The following VPS51 variants were observed in gnomAD, a reference collection of about 807,000 sequenced individuals.
The protein encoded by VPS51 is VPS51 subunit of GARP complex.
VPS51 carries 55 observed loss-of-function variants against 65.1 expected under a neutral mutation model. The ratio of observed to expected loss-of-function variants is 0.84; its 90% CI spans 0.68 to 1.06. The LOEUF is 1.06. Ranked by LOEUF, VPS51 falls within the 50% of genes least tolerant of loss-of-function variation. The pLI, the probability that VPS51 is intolerant of heterozygous loss-of-function variation, is 0.00. For synonymous variants in VPS51, 473 were observed against 489.5 expected (o/e 0.97, Z 0.44); for missense variants, 943 against 1,101.6 (o/e 0.86, Z 2.04).
At chr11:65,103,170 C>T (rs1047661250) in intron 2 of VPS51, among the ~76,000 whole-genome samples, 5 of 152,188 alleles carry the variant, frequency 3.3e-5, no homozygotes, top group Admixed American at 6.5e-5. Flanking sequence ...GGTGATTCTC[C>T]TGCCTTAGCC....
At position 65,111,283 on chromosome 11, in the gene VPS51, A is replaced by G. The variant is rs781164321; in HGVS notation, c.2089-44A>G. Reference sequence around the variant, plus strand: ...CTTGGAACTTGGGTGTCCCCCACACACACCTGCAGTCCCCAAGCTGCATCC... The same window carrying G: ...CTTGGAACTTGGGTGTCCCCCACACGCACCTGCAGTCCCCAAGCTGCATCC... On this transcript the variant is annotated intron_variant, in intron 9 of 9. Coordinates refer to ENST00000279281, the MANE Select transcript of VPS51 (RefSeq NM_013265.4). 11 of 1,598,454 alleles carry G rather than the reference A, an allele frequency of 6.9e-6. No individual in the cohort carries two copies. In the East Asian group the frequency reaches 2.0e-4, roughly 29 times the overall value.
chr11:65,096,717 G>A (rs1947772819), intron 1 of VPS51: 1 of 635,600 alleles, frequency 1.6e-6, no homozygotes, highest in Admixed American at 2.9e-5. Flanking sequence ...GATGTGATAG[G>A]CCCGGAATTG....
chr11:65,108,876 G>A lies in VPS51; in HGVS notation c.1405G>A (p.Ala469Thr), dbSNP rs1177797205. ...TCTGGCAGCAGTGCACCTTTTCACC[G>A]CCAAAGAGGTGTCCTTCTCCAACAA... ...ASLAAVHLFT[A>T]KEVSFSNKPY... The change falls in exon 5 of 10, where the codon GCC becomes ACC. Residue 469 changes from alanine (A) to threonine (T), a missense_variant. Ala to Thr is a moderately conservative substitution (Grantham distance 58). Around this residue, in one of 2 missense-constraint regions of VPS51, gnomAD observed 855 missense variants for 953.7 expected, o/e 0.90. Transcript: ENST00000279281. 7.4e-6 allele frequency: 12 copies of A among 1,612,868 alleles called. No individual in the cohort carries two copies. Among genetic ancestry groups the A allele is most frequent in the Non-Finnish European group, 1.0e-5 (12 of 1,180,014 alleles).
In VPS51 at chr11:65,108,391, G is replaced by T; in HGVS notation, c.920G>T (p.Gly307Val). 1 of 1,612,386 alleles carries T rather than the reference G, an allele frequency of 6.2e-7. No homozygotes were observed. Among genetic ancestry groups the T allele is most frequent in the Non-Finnish European group, 8.5e-7 (1 of 1,179,712 alleles). ...APDVLEFTDH[G>V]GSGFVGGLCQ... Reference sequence around the variant, plus strand: ...GACGTGTTAGAGTTCACCGACCATGGAGGCAGTGGCTTCGTGGGCGGCCTC... The same window carrying T: ...GACGTGTTAGAGTTCACCGACCATGTAGGCAGTGGCTTCGTGGGCGGCCTC... Residue 307 changes from glycine to valine, a missense_variant, in exon 5 of 10, where the codon GGA (glycine) becomes GTA (valine). Gly to Val is a moderately radical substitution (Grantham distance 109, BLOSUM62 -3). Coordinates refer to ENST00000279281, the MANE Select transcript of VPS51 (RefSeq NM_013265.4).
At chr11:65,106,750 CA>C (rs34281986) in intron 2 of VPS51, among the ~76,000 whole-genome samples, 4,339 of 131,626 alleles carry the variant, frequency 0.033, 97 homozygotes, top group African/African-American at 0.067. Flanking sequence ...GACTCAGTCT[CA>C]AAAAAAAAAA....
chr11:65,097,070 G>C lies in VPS51; in HGVS notation c.301G>C (p.Asp101His). The change falls in exon 2 of 10, where the codon GAC (aspartate) becomes CAC (histidine). Residue 101 changes from aspartate to histidine, a missense_variant. Asp to His is a moderately conservative substitution (Grantham distance 81). Coordinates refer to ENST00000279281, the MANE Select transcript of VPS51 (RefSeq NM_013265.4). ...CATGGTGCGGCAGATCCGGGCTCTA[G>C]ACAGCGACATGCAGACCCTGGTCTA... is the stretch of plus-strand genomic sequence containing the variant. ...TDMVRQIRAL[D>H]SDMQTLVYEN... The C allele has an allele frequency of 1.2e-6, 2 of 1,614,016 alleles. No individual in the cohort carries two copies. The highest frequency in any genetic ancestry group is 1.7e-6 in the Non-Finnish European group (2 of 1,179,998).
At position 65,110,697 on chromosome 11, in the gene VPS51, C is replaced by G. The variant is rs753551991; in HGVS notation, c.2004C>G (p.Ala668=). The G allele has an allele frequency of 6.2e-7, 1 of 1,614,142 alleles. No individual in the cohort carries two copies. Among genetic ancestry groups the G allele is most frequent in the Non-Finnish European group, 8.5e-7 (1 of 1,180,008 alleles). ...TTCCTTGTCTTCCCCAATCCAGTGC[C>G]CCGATGGACACCAACCTCTTGAGCA... is the stretch of plus-strand genomic sequence containing the variant. ...GRYAPSYTPS[A]PMDTNLLSNI... is the part of the protein sequence containing the mutation. The change falls in exon 9 of 10, where the codon GCC becomes GCG. Residue 668 remains alanine, a synonymous_variant. Transcript: ENST00000279281.
chr11:65,110,228 T>A (rs1947883671), intron 7 of VPS51: 2 of 651,592 alleles, frequency 3.1e-6, no homozygotes, highest in Non-Finnish European at 5.2e-6. Context: ...AGGCTCAGGG[T>A]TACCCAGGAA....
chr11:65,107,871 G>C lies in VPS51; in HGVS notation c.574G>C (p.Glu192Gln). Residue 192 changes from glutamate to glutamine, a missense_variant, in exon 4 of 10, where the codon GAA (glutamate) becomes CAA (glutamine). Around this residue, in one of 2 missense-constraint regions of VPS51, gnomAD observed 855 missense variants for 953.7 expected, o/e 0.90. Coordinates refer to ENST00000279281, the MANE Select transcript of VPS51 (RefSeq NM_013265.4). The surrounding 1 kb of genome is among the most constrained non-coding windows in gnomAD (Gnocchi z 4.0). ...ELPSRLTKCV[E>Q]LGAYGQAVRY... Reference sequence around the variant, plus strand: ...GCCCTCGCGCCTCACCAAGTGCGTGGAACTGGGCGCCTATGGGCAGGCGGT... The same window carrying C: ...GCCCTCGCGCCTCACCAAGTGCGTGCAACTGGGCGCCTATGGGCAGGCGGT... 6.4e-7 allele frequency: 1 copy of C among 1,551,536 alleles called. No individual in the cohort carries two copies. The highest frequency in any genetic ancestry group is 8.7e-7 in the Non-Finnish European group (1 of 1,148,760).
chr11:65,110,316 T>TG, intron 7 of VPS51, 166 bp from the exon 8 acceptor site: 3 of 1,221,588 alleles, frequency 2.5e-6, no homozygotes, highest in Non-Finnish European at 3.5e-6. Flanking sequence ...CCCACTCCAC[T>TG]GGTTCTATAA....
intron 2 of VPS51, among the ~76,000 whole-genome samples, chr11:65,105,158 G>T (rs901496266): frequency 3.3e-5 from 5 of 152,110 alleles, no homozygotes; most frequent in Non-Finnish European, 5.9e-5. Flanking sequence ...CCAGCACTTT[G>T]GGAGGCCGAG....
intron 9 of VPS51, 109 bp downstream of exon 9, chr11:65,110,890 AC>A: frequency 7.6e-7 from 1 of 1,319,062 alleles, no homozygotes; most frequent in Non-Finnish European, 1.1e-6. Context: ...ACTGGGGGTG[AC>A]CCTGACCCTC....
chr11:65,096,313 G>T lies in VPS51; in HGVS notation c.63G>T (p.Gly21=), dbSNP rs974578367. 5 of 1,507,332 alleles carry T rather than the reference G, an allele frequency of 3.3e-6. No individual in the cohort carries two copies. Among genetic ancestry groups the T allele is most frequent in the Admixed American group, 2.6e-5 (1 of 38,264 alleles). The allele number at this position is 1,507,332 out of a possible 1,614,324, so 93.4% of individuals were successfully genotyped here. Reference sequence around the variant, plus strand: ...CTGGACCTGGGGACTCCCCAGAAGGGCCCGAGGGGGAGGCTCCGGAGCGTC... The same window carrying T: ...CTGGACCTGGGGACTCCCCAGAAGGTCCCGAGGGGGAGGCTCCGGAGCGTC... ...PGSGPGDSPE[G]PEGEAPERRR... Residue 21 remains glycine, a synonymous_variant, in exon 1 of 10, where the codon GGG becomes GGT. Coordinates refer to ENST00000279281, the MANE Select transcript of VPS51 (RefSeq NM_013265.4).
At chr11:65,096,539 A>G in intron 1 of VPS51, 61 bp downstream of exon 1, 1 of 1,343,758 alleles carries the variant, frequency 7.4e-7, no homozygotes, top group South Asian at 1.4e-5. Flanking sequence ...GGCCCCTGCT[A>G]TATTGCTCCC....
intron 2 of VPS51, among the ~76,000 whole-genome samples, chr11:65,103,235 AC>A (rs1947820990): frequency 2.0e-5 from 3 of 152,246 alleles, no homozygotes; most frequent in African/African-American, 7.2e-5. Flanking sequence ...ACAGAGCAAG[AC>A]CCTATCTCAA....
At position 65,108,684 on chromosome 11, in the gene VPS51, G is replaced by C. The variant is rs749590732; in HGVS notation, c.1213G>C (p.Glu405Gln). ...GGAGATCGTGGAACGAGTGGCCCGC[G>C]AGCGCCTGGGCCACCACCTGCAGGG... ...ATEIVERVAR[E>Q]RLGHHLQGLR... Residue 405 changes from glutamate to glutamine, a missense_variant, in exon 5 of 10, where the codon GAG (glutamate) becomes CAG (glutamine). Physicochemically the swap from Glu to Gln is conservative, Grantham distance 29. Around this residue, in one of 2 missense-constraint regions of VPS51, gnomAD observed 855 missense variants for 953.7 expected, o/e 0.90. Coordinates refer to ENST00000279281, the MANE Select transcript of VPS51 (RefSeq NM_013265.4). The C allele has an allele frequency of 1.4e-5, 22 of 1,588,606 alleles. No individual in the cohort carries two copies. Among genetic ancestry groups the C allele is most frequent in the South Asian group, 2.2e-5 (2 of 89,528 alleles).
chr11:65,111,332 G>T lies in VPS51; in HGVS notation c.2094G>T (p.Ser698=), dbSNP rs1455503436. Residue 698 remains serine (S), a synonymous_variant, in exon 10 of 10, where the codon TCG becomes TCT. Coordinates refer to ENST00000279281, the MANE Select transcript of VPS51 (RefSeq NM_013265.4). ...VFSPVEFNKV[S]VLTGIIKISL... ...CCCTGTGTCCCTGCCTGCAGGTGTC[G>T]GTGCTGACCGGCATCATCAAGATCA... 2 of 1,602,896 alleles carry T rather than the reference G, an allele frequency of 1.2e-6. No homozygotes were observed. Among genetic ancestry groups the T allele is most frequent in the Non-Finnish European group, 1.7e-6 (2 of 1,179,526 alleles).
intron 7 of VPS51, 149 bp downstream of exon 7, chr11:65,110,072 C>A (rs1947881691): frequency 3.4e-6 from 3 of 883,108 alleles, no homozygotes; most frequent in Admixed American, 2.8e-5. Flanking sequence ...AGTTCTGTAG[C>A]CAGGGCGTCC....
intron 2 of VPS51, among the ~76,000 whole-genome samples, chr11:65,097,816 C>T (rs1185478288): frequency 6.6e-6 from 1 of 151,820 alleles, no homozygotes; most frequent in African/African-American, 2.4e-5. Flanking sequence ...GTGCTTGTAC[C>T]ACTTCACTTC....
Sources: gnomAD v4.1 joint callset for allele counts (sites outside exome capture counted in the v4.1 genomes callset) on GRCh38, gnomAD v4.1.1 for gene constraint, gnomAD v4.1.1 regional missense constraint, Gnocchi (gnomAD v3.1) non-coding constraint, MANE v1.5 for transcripts, NCBI Gene and HGNC (gene_info 2026-07-23, HGNC 2026-07-21) for gene names.